PVT1: variants seen among roughly 807,000 people sequenced by gnomAD.
PVT1 encodes Pvt1 oncogene.
Position 127,932,328 on chromosome 8 carries a change from G to A in PVT1, n.782+41330G>A, listed in dbSNP as rs577624090. The A allele has an allele frequency of 9.6e-4, 383 of 398,294 alleles. 1 individual carries two copies. The highest frequency in any genetic ancestry group is 6.9e-3 in the African/African-American group (336 of 48,736). 24.7% of individuals were successfully genotyped at this position (398,294 alleles called of 1,614,324 possible). The stretch of plus-strand genomic sequence containing the variant: ...TTTAGGTTTGATCTCCCTCCCTTCT[G>A]CCCCTCTCCTGGTAAAGGGATGAAT... On this transcript the variant is annotated intron_variant and non_coding_transcript_variant, in intron 3 of 10. Transcript: ENST00000651587.
intron 5 of PVT1, among the ~76,000 whole-genome samples, chr8:128,086,885 G>C (rs906012094): frequency 6.6e-6 from 1 of 152,168 alleles, no homozygotes; most frequent in African/African-American, 2.4e-5. Flanking sequence ...ACTCCTATTG[G>C]ACTGGAAGTT....
At chr8:127,951,220 C>T (rs552614206) in intron 3 of PVT1, among the ~76,000 whole-genome samples, 2 of 152,232 alleles carry the variant, frequency 1.3e-5, no homozygotes, top group African/African-American at 2.4e-5. Flanking sequence ...AAGAGGGAAC[C>T]GAGGCTTCCT....
Position 127,900,377 on chromosome 8 carries a change from T to A in PVT1, n.782+9379T>A, listed in dbSNP as rs1815743634. ...CTTTAAAGAAATTTAAAAAAAAAAATAGATAAATGGGAAGTCTATGAGCCT... is the reference window on the plus strand; with the variant it reads ...CTTTAAAGAAATTTAAAAAAAAAAAAAGATAAATGGGAAGTCTATGAGCCT... On this transcript the variant is annotated intron_variant and non_coding_transcript_variant, in intron 3 of 10. Coordinates refer to ENST00000651587, the Ensembl canonical transcript of PVT1. Among the ~76,000 whole-genome samples, 3 of 151,412 alleles carry A rather than the reference T, an allele frequency of 2.0e-5. No individual in the cohort carries two copies. In the South Asian group the frequency reaches 6.2e-4, roughly 32 times the overall value.
intron 3 of PVT1, among the ~76,000 whole-genome samples, chr8:127,912,837 C>G (rs1035781983): frequency 6.6e-6 from 1 of 152,206 alleles, no homozygotes; most frequent in Non-Finnish European, 1.5e-5. Flanking sequence ...GCTGGGATTA[C>G]AGACACCTGC....
At chr8:127,955,858 A>G (rs915216820) in intron 3 of PVT1, among the ~76,000 whole-genome samples, 2 of 152,162 alleles carry the variant, frequency 1.3e-5, no homozygotes, top group Non-Finnish European at 2.9e-5. Flanking sequence ...GTGCTGGGTT[A>G]CAGGCGTGAA....
chr8:128,094,936 G>A (rs773838959), intron 5 of PVT1, among the ~76,000 whole-genome samples: 4 of 152,144 alleles, frequency 2.6e-5, no homozygotes, highest in Admixed American at 6.5e-5. Flanking sequence ...CGTCTTTTGC[G>A]TCTCGTGGTT....
chr8:127,823,613 G>A (rs972680300), intron 2 of PVT1, among the ~76,000 whole-genome samples: 3 of 152,160 alleles, frequency 2.0e-5, no homozygotes, highest in East Asian at 1.9e-4. Flanking sequence ...GCAATGTCCC[G>A]GGACTCACAC....
At chr8:127,967,572 C>T (rs1586459742) in intron 3 of PVT1, among the ~76,000 whole-genome samples, 1 of 152,324 alleles carries the variant, frequency 6.6e-6, no homozygotes, top group East Asian at 1.9e-4. Flanking sequence ...AAGCTCATTC[C>T]AGAGGGTGCT....
chr8:127,868,636 C>T (rs531524572), intron 2 of PVT1, among the ~76,000 whole-genome samples: 99 of 151,058 alleles, frequency 6.6e-4, no homozygotes, highest in African/African-American at 2.3e-3. Context: ...GTTATCCACC[C>T]TCAGATTATC....
chr8:127,987,897 G>T (rs1288803810), intron 3 of PVT1, among the ~76,000 whole-genome samples: 1 of 152,272 alleles, frequency 6.6e-6, no homozygotes, highest in Non-Finnish European at 1.5e-5. Context: ...GCATCTTTCT[G>T]CGTGCCTAGC....
At chr8:128,032,060 G>A (rs1813398043) in intron 4 of PVT1, among the ~76,000 whole-genome samples, 1 of 152,178 alleles carries the variant, frequency 6.6e-6, no homozygotes, top group Non-Finnish European at 1.5e-5. Flanking sequence ...GCTTCTTGCT[G>A]GGATTTCAAA....
At chr8:128,010,566 C>G (rs1049329779) in intron 4 of PVT1, 20 of 152,270 alleles carry the variant, frequency 1.3e-4, no homozygotes, top group African/African-American at 4.6e-4. Flanking sequence ...AATAATCGCA[C>G]CTCGGTGAAA....
chr8:128,004,184 C>A (rs1817219578), intron 4 of PVT1, among the ~76,000 whole-genome samples: 1 of 152,208 alleles, frequency 6.6e-6, no homozygotes, highest in Non-Finnish European at 1.5e-5. Context: ...GATGCTGGCA[C>A]CTTTCAGTCC....
At position 127,997,972 on chromosome 8, in the gene PVT1, T is replaced by C. The variant is rs527400406; in HGVS notation, n.912+8681T>C. ...TCAGGTATTTCATAGAACGTACCTCTGTGAGGGTTGTCTGATTCTTCTTCT... is the reference window on the plus strand; with the variant it reads ...TCAGGTATTTCATAGAACGTACCTCCGTGAGGGTTGTCTGATTCTTCTTCT... On this transcript the variant is annotated intron_variant and non_coding_transcript_variant, in intron 4 of 10. Coordinates refer to ENST00000651587, the Ensembl canonical transcript of PVT1. Among the ~76,000 whole-genome samples, 47 of 152,326 alleles carry C rather than the reference T, an allele frequency of 3.1e-4. No homozygotes were observed. The South Asian group carries it at 9.5e-3, about 31-fold the overall frequency.
intron 3 of PVT1, chr8:127,947,148 GGTGA>G (rs1816431029): frequency 6.5e-6 from 1 of 153,484 alleles, no homozygotes; most frequent in South Asian, 2.0e-4. Flanking sequence ...CTAATAAGTA[GGTGA>G]GTATTTTCCT....
At chr8:127,854,973 T>C (rs1815145948) in intron 2 of PVT1, among the ~76,000 whole-genome samples, 1 of 152,144 alleles carries the variant, frequency 6.6e-6, no homozygotes, top group Non-Finnish European at 1.5e-5. Context: ...TTGAAGAAAC[T>C]GAAGGTGTAG....
intron 3 of PVT1, among the ~76,000 whole-genome samples, chr8:127,970,588 C>T (rs976034734): frequency 6.6e-6 from 1 of 152,046 alleles, no homozygotes; most frequent in Admixed American, 6.6e-5. Context: ...CATGAGCAAC[C>T]ACGCCCAGCC....
chr8:128,097,504 G>A (rs1814444200), intron 6 of PVT1, among the ~76,000 whole-genome samples: 1 of 152,122 alleles, frequency 6.6e-6, no homozygotes, highest in Non-Finnish European at 1.5e-5. Context: ...GAGACCATCT[G>A]GCTAGCAAAG....
intron 4 of PVT1, among the ~76,000 whole-genome samples, chr8:128,051,205 T>C (rs1298276672): frequency 6.6e-6 from 1 of 152,230 alleles, no homozygotes; most frequent in Non-Finnish European, 1.5e-5. Context: ...AGATTCTGTC[T>C]TCACATAGCC....
Sources: gnomAD v4.1 joint callset for allele counts (sites outside exome capture counted in the v4.1 genomes callset) on GRCh38, gnomAD v4.1.1 for gene constraint, MANE v1.5 for transcripts, NCBI Gene and HGNC (gene_info 2026-07-23, HGNC 2026-07-21) for gene names.